POU6F2: variants seen among roughly 807,000 people sequenced by gnomAD.
POU6F2 encodes POU class 6 homeobox 2, also known as POU domain, class 6, transcription factor 2.
POU6F2 carries 31 observed loss-of-function variants against 71.3 expected under a neutral mutation model. That is an observed-to-expected ratio of 0.43 (90% CI 0.33 to 0.59). POU6F2 has a LOEUF of 0.59. Among genes scored for constraint, POU6F2 ranks in the 20% least tolerant of loss-of-function variants. The probability of loss-of-function intolerance (pLI) is 0.04; values close to 1 mark genes in which losing one functional copy is unlikely to be tolerated. For missense variants in POU6F2, 783 were observed against 856.8 expected (o/e 0.91, Z 1.07); for synonymous variants, 347 against 355.7 (o/e 0.98, Z 0.27).
At chr7:39,086,976 T>C (rs1277828766) in intron 2 of POU6F2, among the ~76,000 whole-genome samples, 1 of 151,264 alleles carries the variant, frequency 6.6e-6, no homozygotes, top group Non-Finnish European at 1.5e-5. Context: ...CACACACACA[T>C]AGACATATAT....
intron 4 of POU6F2, among the ~76,000 whole-genome samples, chr7:39,243,419 C>T (rs1783761702): frequency 6.6e-6 from 1 of 152,210 alleles, no homozygotes; most frequent in East Asian, 1.9e-4. Flanking sequence ...GATGCAGGCT[C>T]TTTCCACTCC....
intron 4 of POU6F2, among the ~76,000 whole-genome samples, chr7:39,219,013 A>G (rs1794297590): frequency 6.6e-6 from 1 of 152,184 alleles, no homozygotes; most frequent in Non-Finnish European, 1.5e-5. Context: ...AAGCCCTGGA[A>G]GAGGAAGGGA....
intron 4 of POU6F2, among the ~76,000 whole-genome samples, chr7:39,292,050 A>G (rs1784769293): frequency 6.6e-6 from 1 of 151,948 alleles, no homozygotes. Context: ...AAAAACTGAG[A>G]AGGAGAGGAG....
chr7:39,311,195 A>C (rs1562785859), intron 4 of POU6F2, among the ~76,000 whole-genome samples: 1 of 152,086 alleles, frequency 6.6e-6, no homozygotes, highest in African/African-American at 2.4e-5. Flanking sequence ...TAAGGAAAAA[A>C]AAAGTTCAAG....
chr7:39,265,673 C>T (rs548627292), intron 4 of POU6F2, among the ~76,000 whole-genome samples: 1 of 152,188 alleles, frequency 6.6e-6, no homozygotes, highest in South Asian at 2.1e-4. Context: ...AAGGTAGCAT[C>T]TCAGGCTGCC....
At position 39,191,772 on chromosome 7, in the gene POU6F2, A is replaced by G. The variant is rs543735017; in HGVS notation, c.278-12463A>G. ...AAGTCTATTAGTAATATAACACTCT[A>G]TGAATGCACTCAAGTTAATAGCATC... On this transcript the variant is annotated intron_variant, in intron 2 of 9. Transcript: ENST00000518318. 6.6e-5 allele frequency among the ~76,000 whole-genome samples: 10 copies of G among 152,370 alleles called. No homozygotes were observed. In the East Asian group the frequency reaches 7.7e-4, roughly 12 times the overall value.
rs1320461851 is a variant in POU6F2, at chr7:39,458,935, C to A, written c.1490-1612C>A. ...GCCCATTGGGAAGACCTAGATGAAT[C>A]CTCCCTCCTCTCCACTCTCCTGTCT... On this transcript the variant is annotated intron_variant, in intron 8 of 9. Coordinates refer to ENST00000518318, the MANE Select transcript of POU6F2 (RefSeq NM_001370959.1). Among the ~76,000 whole-genome samples the A allele has an allele frequency of 2.0e-5, 3 of 152,056 alleles. No individual in the cohort carries two copies. The East Asian group carries it at 5.8e-4, about 29-fold the overall frequency.
At chr7:39,374,805 A>T (rs1049769839) in intron 5 of POU6F2, among the ~76,000 whole-genome samples, 9 of 152,198 alleles carry the variant, frequency 5.9e-5, no homozygotes, top group Admixed American at 3.3e-4. Flanking sequence ...ACAGCGGAAT[A>T]TTGAGGACAT....
At chr7:39,071,654 AACACACACACACACACAC>A (rs10522287) in intron 1 of POU6F2, among the ~76,000 whole-genome samples, 2,886 of 142,058 alleles carry the variant, frequency 0.02, 89 homozygotes, top group African/African-American at 0.072. Flanking sequence ...TCTCTAAAGA[AACACACACACACACACAC>A]ACACACACAC....
At chr7:38,996,572 A>G (rs1788744812) in intron 1 of POU6F2, among the ~76,000 whole-genome samples, 2 of 152,260 alleles carry the variant, frequency 1.3e-5, no homozygotes, top group African/African-American at 4.8e-5. Context: ...AGCATTATCT[A>G]CCTAGAAAAC....
chr7:39,270,277 A>G (rs1784318201), intron 4 of POU6F2, among the ~76,000 whole-genome samples: 1 of 152,228 alleles, frequency 6.6e-6, no homozygotes, highest in Non-Finnish European at 1.5e-5. Context: ...GGATGACATG[A>G]GGGAGCAAAC....
chr7:39,070,978 A>T (rs1410229851), intron 1 of POU6F2, among the ~76,000 whole-genome samples: 1 of 152,138 alleles, frequency 6.6e-6, no homozygotes, highest in Non-Finnish European at 1.5e-5. Flanking sequence ...CGTTTTTGGC[A>T]CGAGGGACTG....
intron 5 of POU6F2, among the ~76,000 whole-genome samples, chr7:39,389,517 A>G (rs553446791): frequency 2.6e-5 from 4 of 152,332 alleles, no homozygotes; most frequent in Middle Eastern, 3.4e-3. Context: ...AAGGATAGCA[A>G]TTGATCTGTA....
In POU6F2 at chr7:39,107,785, A is replaced by C. The variant is rs936425179; in HGVS notation, c.277+21754A>C. Among the ~76,000 whole-genome samples the C allele has an allele frequency of 2.0e-5, 3 of 152,160 alleles. No individual in the cohort carries two copies. In the East Asian group the frequency reaches 5.8e-4, roughly 29 times the overall value. On this transcript the variant is annotated intron_variant, in intron 2 of 9. Coordinates refer to ENST00000518318, the MANE Select transcript of POU6F2 (RefSeq NM_001370959.1). Reference sequence around the variant, plus strand: ...AGGGACCAGGGAGAAGCAGACACCCAAACCCAGAAGGAGAGAGTCAGATGA... The same window carrying C: ...AGGGACCAGGGAGAAGCAGACACCCCAACCCAGAAGGAGAGAGTCAGATGA...
At chr7:39,319,956 T>C (rs1785350612) in intron 4 of POU6F2, among the ~76,000 whole-genome samples, 1 of 152,250 alleles carries the variant, frequency 6.6e-6, no homozygotes, top group South Asian at 2.1e-4. Flanking sequence ...GCATCTTGTT[T>C]CAGCAATGCA....
chr7:39,389,562 G>A (rs990862413), intron 5 of POU6F2, among the ~76,000 whole-genome samples: 9 of 152,224 alleles, frequency 5.9e-5, no homozygotes, highest in African/African-American at 2.2e-4. Context: ...TATTTCTAAG[G>A]TTAAAAAAGA....
At chr7:39,389,042 CAAG>C (rs1038462536) in intron 5 of POU6F2, among the ~76,000 whole-genome samples, 2 of 151,992 alleles carry the variant, frequency 1.3e-5, no homozygotes, top group African/African-American at 4.8e-5. Context: ...GGCTCCTCCT[CAAG>C]AAGATGTTTG....
intron 2 of POU6F2, among the ~76,000 whole-genome samples, chr7:39,201,592 C>T (rs1793904253): frequency 6.6e-6 from 1 of 152,254 alleles, no homozygotes; most frequent in Non-Finnish European, 1.5e-5. Context: ...AAAGCATAGG[C>T]TGCTAACTTC....
At chr7:39,072,061 T>G (rs1790893055) in intron 1 of POU6F2, among the ~76,000 whole-genome samples, 1 of 152,024 alleles carries the variant, frequency 6.6e-6, no homozygotes, top group African/African-American at 2.4e-5. Flanking sequence ...ACCAGCTGCA[T>G]GGAGAAAGGT....
Sources: allele counts gnomAD v4.1 joint callset (sites outside exome capture counted in the v4.1 genomes callset), GRCh38; gene constraint gnomAD v4.1.1; transcripts MANE v1.5; gene names NCBI Gene and HGNC (gene_info 2026-07-23, HGNC 2026-07-21).